ACOT11: variants seen among roughly 807,000 people sequenced by gnomAD.
ACOT11 encodes acyl-coenzyme A thioesterase 11.
Under a neutral mutation model 77.5 loss-of-function variants are expected in ACOT11, and 69 were observed. The observed-to-expected ratio is 0.89, with a 90% CI of 0.73 to 1.09. ACOT11 has a LOEUF of 1.09. ACOT11 is among the 50% of genes least tolerant of loss of function. ACOT11 has a pLI of 0.00. For synonymous variants in ACOT11, 279 were observed against 313.0 expected (o/e 0.89, Z 1.15); for missense variants, 766 against 813.7 (o/e 0.94, Z 0.71).
At chr1:54,581,244 G>T (rs1465656926) in intron 1 of ACOT11, among the ~76,000 whole-genome samples, 1 of 152,210 alleles carries the variant, frequency 6.6e-6, no homozygotes, top group East Asian at 1.9e-4. Context: ...TCAGAGGCCT[G>T]TTTAAGGTCG....
At chr1:54,564,933 T>G (rs1653684146) in intron 1 of ACOT11, among the ~76,000 whole-genome samples, 2 of 152,132 alleles carry the variant, frequency 1.3e-5, no homozygotes, top group Non-Finnish European at 2.9e-5. Flanking sequence ...CTATAGGCTT[T>G]GAGAGCAGGG....
chr1:54,551,732 G>T (rs1653075612), intron 1 of ACOT11, among the ~76,000 whole-genome samples: 1 of 149,810 alleles, frequency 6.7e-6, no homozygotes, highest in Admixed American at 6.6e-5. Context: ...TTTTTGTTTT[G>T]TTTTGTTTTT....
At chr1:54,627,631 A>G (rs1276043350) in intron 15 of ACOT11, among the ~76,000 whole-genome samples, 1 of 135,108 alleles carries the variant, frequency 7.4e-6, no homozygotes, top group Non-Finnish European at 1.7e-5. Flanking sequence ...GCTGGTGCAC[A>G]TCAAAAACAC....
chr1:54,615,053 GAGA>G (rs1376682079), downstream of ACOT11, among the ~76,000 whole-genome samples: 2 of 148,366 alleles, frequency 1.3e-5, no homozygotes, highest in Non-Finnish European at 3.0e-5. Flanking sequence ...AGCTAACTCA[GAGA>G]AGAAGGGCCT....
downstream of ACOT11, chr1:54,610,401 G>A: frequency 6.2e-7 from 1 of 1,612,322 alleles, no homozygotes; most frequent in Non-Finnish European, 8.5e-7. Flanking sequence ...GGGCTGAAGG[G>A]TAGACCTTAC....
In ACOT11 at chr1:54,562,546, C is replaced by CCG. The variant is rs1653565436; in HGVS notation, c.33+14205_33+14206insGC. Among the ~76,000 whole-genome samples, 4 of 46,812 alleles carry CCG rather than the reference C, an allele frequency of 8.5e-5. 1 individual carries two copies. Among genetic ancestry groups the CCG allele is most frequent in the Admixed American group, 3.5e-4 (2 of 5,782 alleles). The allele number at this position is 46,812 out of a possible 152,430, so 30.7% of individuals were successfully genotyped here. ...GGCGGCTGGCCGGGCGGGGGGCTGA[C>CCG]CCACCCCCCACCTCCCTCCCGGACG... is the stretch of plus-strand genomic sequence containing the variant. On this transcript the variant is annotated intron_variant, in intron 1 of 15. Transcript: ENST00000343744.
intron 7 of ACOT11, 179 bp downstream of exon 7, chr1:54,597,594 A>AGAT: frequency 1.2e-6 from 1 of 813,808 alleles, no homozygotes; most frequent in Non-Finnish European, 1.9e-6. Flanking sequence ...CTACTAAAAA[A>AGAT]GCTAGCATCT....
At chr1:54,615,062 G>A (rs1439249453), downstream of ACOT11, among the ~76,000 whole-genome samples, 1 of 141,870 alleles carries the variant, frequency 7.0e-6, no homozygotes, top group Non-Finnish European at 1.6e-5. Context: ...AGAGAAGAAG[G>A]GCCTGCCTCT....
intron 15 of ACOT11, chr1:54,623,647 A>G (rs1222518234): frequency 2.3e-6 from 1 of 429,924 alleles, no homozygotes; most frequent in Non-Finnish European, 4.2e-6. Context: ...TACCATATCT[A>G]AAATGACCTT....
At chr1:54,596,358 C>A (rs77402806) in intron 6 of ACOT11, among the ~76,000 whole-genome samples, 7,260 of 152,254 alleles carry the variant, frequency 0.048, 292 homozygotes, top group East Asian at 0.17. Context: ...CTGAAGAAGT[C>A]TCTCCATGGG....
chr1:54,599,245 G>A, intron 7 of ACOT11, 51 bp from the exon 8 acceptor site: 1 of 1,251,338 alleles, frequency 8.0e-7, no homozygotes, highest in Middle Eastern at 3.4e-4. Context: ...CCAAACTAGT[G>A]GCTGAAGCAC....
At chr1:54,631,287 C>A (rs1286669263) in intron 16 of ACOT11, among the ~76,000 whole-genome samples, 1 of 152,088 alleles carries the variant, frequency 6.6e-6, no homozygotes, top group Non-Finnish European at 1.5e-5. Context: ...TTAGAATACA[C>A]CCCCCAGATC....
At chr1:54,620,110 AC>A in intron 15 of ACOT11, 1 of 1,249,554 alleles carries the variant, frequency 8.0e-7, no homozygotes, top group Non-Finnish European at 1.1e-6. Flanking sequence ...TGTGTCCAGT[AC>A]CCCATCTGGC....
rs1569821190 is a variant in ACOT11 at position 54,634,539 on chromosome 1, A to G, written c.1783-149A>G. ...TTCATACCGATGAACAACTGATGAT[A>G]AAAACAAAAAAGGTGGAAAAATAGG... On this transcript the variant is annotated intron_variant, in intron 16 of 16. Transcript: ENST00000371316. The G allele has an allele frequency of 5.5e-6, 3 of 542,850 alleles. No homozygotes were observed. The East Asian group carries it at 8.9e-5, about 16-fold the overall frequency. The allele number at this position is 542,850 out of a possible 1,614,324, so 33.6% of individuals were successfully genotyped here.
exon 17 of ACOT11, chr1:54,638,460 C>G (rs767631232): frequency 7.2e-5 from 11 of 152,168 alleles, no homozygotes; most frequent in Non-Finnish European, 1.2e-4. Flanking sequence ...CGGGTTCAGG[C>G]AATTCTTGTG....
chr1:54,574,807 AG>A (rs551263053), intron 1 of ACOT11, among the ~76,000 whole-genome samples: 106 of 152,264 alleles, frequency 7.0e-4, no homozygotes, highest in Non-Finnish European at 1.2e-3. Context: ...ACGCTGCTAG[AG>A]TCTGGTTGTT....
At chr1:54,619,961 G>A (rs1644213447) in intron 15 of ACOT11, 2 of 1,614,176 alleles carry the variant, frequency 1.2e-6, no homozygotes, top group South Asian at 1.1e-5. Flanking sequence ...GGCTCAGCAG[G>A]TAGTCCAGCA....
intron 1 of ACOT11, among the ~76,000 whole-genome samples, chr1:54,555,835 C>T (rs1388631504): frequency 1.3e-5 from 2 of 152,058 alleles, no homozygotes; most frequent in Non-Finnish European, 2.9e-5. Context: ...ACCTCCGCCT[C>T]CCAGGTTCAA....
rs117383340 is a variant in ACOT11, at chr1:54,568,057, G to A, written c.34-16598G>A. On this transcript the variant is annotated intron_variant, in intron 1 of 15. Coordinates refer to ENST00000343744, the MANE Select transcript of ACOT11 (RefSeq NM_147161.4). ...TTCTTAGGTCCTTCTGTCCCAACAC[G>A]TCCCTGTTCTTCCTCTGACAGCCGG... is the stretch of plus-strand genomic sequence containing the variant. Among the ~76,000 whole-genome samples the A allele has an allele frequency of 2.0e-3, 297 of 152,246 alleles. 3 individuals carry two copies. The East Asian group carries it at 0.032, about 17-fold the overall frequency.
Sources: gnomAD v4.1 joint callset for allele counts (sites outside exome capture counted in the v4.1 genomes callset) on GRCh38, gnomAD v4.1.1 for gene constraint, MANE v1.5 for transcripts, NCBI Gene and HGNC (gene_info 2026-07-23, HGNC 2026-07-21) for gene names.